THBS4: variants seen among roughly 807,000 people sequenced by gnomAD.
THBS4 encodes thrombospondin 4.
Under a neutral mutation model 115.7 loss-of-function variants are expected in THBS4, and 90 were observed. The ratio of observed to expected loss-of-function variants is 0.78; its 90% CI spans 0.66 to 0.93. THBS4 has a LOEUF of 0.93. Among genes scored for constraint, THBS4 ranks in the 40% least tolerant of loss-of-function variants. The pLI, the probability that THBS4 is intolerant of heterozygous loss-of-function variation, is 0.00. For missense variants in THBS4, 1,087 were observed against 1,232.7 expected (o/e 0.88, Z 1.77); for synonymous variants, 460 against 479.3 (o/e 0.96, Z 0.53).
intron 8 of THBS4, among the ~76,000 whole-genome samples, chr5:80,064,487 G>T (rs1041020945): frequency 6.6e-6 from 1 of 152,214 alleles, no homozygotes; most frequent in Admixed American, 6.5e-5. Context: ...ATATAAAAAG[G>T]TAAAGAAATA....
chr5:80,041,109 GA>G (rs1561304378), intron 2 of THBS4, among the ~76,000 whole-genome samples: 5 of 152,136 alleles, frequency 3.3e-5, no homozygotes, highest in Admixed American at 2.0e-4. Context: ...ATTTCAGCAC[GA>G]GTTTTGACAG....
intron 1 of THBS4, chr5:80,036,079 C>T: frequency 1.0e-6 from 1 of 988,392 alleles, no homozygotes; most frequent in South Asian, 4.7e-5. Context: ...CGCAGAATTA[C>T]TCTACTTGCC....
At chr5:80,072,548 G>A (rs1834106485) in intron 14 of THBS4, 152 bp downstream of exon 14, 1 of 706,512 alleles carries the variant, frequency 1.4e-6, no homozygotes, top group Non-Finnish European at 2.5e-6. Flanking sequence ...CTGTGGGCCT[G>A]AAGATGGTGG....
chr5:80,019,245 T>C (rs1453032615), intron 2 of THBS4, among the ~76,000 whole-genome samples: 1 of 152,162 alleles, frequency 6.6e-6, no homozygotes, highest in Admixed American at 6.5e-5. Context: ...GGACATTCTA[T>C]AGAGCCTGGA....
At chr5:80,072,205 C>A (rs537889855) in intron 13 of THBS4, 73 bp from the exon 14 acceptor site, 1 of 1,370,002 alleles carries the variant, frequency 7.3e-7, no homozygotes. Flanking sequence ...ACTCACCATG[C>A]GCCTGATCTC....
intron 2 of THBS4, among the ~76,000 whole-genome samples, chr5:80,000,409 C>T (rs1161619441): frequency 1.1e-4 from 16 of 152,142 alleles, no homozygotes; most frequent in Admixed American, 1.0e-3. Context: ...TGTCTGTGTC[C>T]TCTCTTTCCA....
At chr5:80,047,432 A>G (rs1327702967) in intron 2 of THBS4, among the ~76,000 whole-genome samples, 1 of 151,998 alleles carries the variant, frequency 6.6e-6, no homozygotes, top group East Asian at 1.9e-4. Context: ...TTTTTACCAC[A>G]TTTAAGTAGA....
In THBS4 at chr5:80,078,221, G is replaced by T; in HGVS notation, c.2259G>T (p.Leu753=). The change falls in exon 17 of 22, where the codon CTG becomes CTT. Residue 753 remains leucine (L), a synonymous_variant. Coordinates refer to ENST00000350881, the MANE Select transcript of THBS4 (RefSeq NM_003248.6). ...DAQIDPNWVV[L]NQGMEIVQTM... ...AGATCGATCCCAACTGGGTGGTCCT[G>T]AACCAGGTGAGTGTCACATGGGCGG... The T allele has an allele frequency of 6.3e-7, 1 of 1,582,208 alleles. No homozygotes were observed. The highest frequency in any genetic ancestry group is 8.6e-7 in the Non-Finnish European group (1 of 1,157,738).
chr5:80,038,108 T>G (rs187731624), intron 1 of THBS4, among the ~76,000 whole-genome samples: 140 of 152,308 alleles, frequency 9.2e-4, no homozygotes, highest in African/African-American at 3.3e-3. Context: ...TTATTCATTC[T>G]TATTACAAAA....
chr5:80,035,101 A>T (rs915620693), upstream of THBS4, among the ~76,000 whole-genome samples: 1 of 151,092 alleles, frequency 6.6e-6, no homozygotes. The surrounding 1 kb of genome is among the most constrained non-coding windows in gnomAD (Gnocchi z 4.6). Context: ...CTTTCTCTCC[A>T]GCCCCGACTG....
rs369434331 is a variant in THBS4 at position 80,057,172 on chromosome 5, A to G, written c.541-1034A>G. Among the ~76,000 whole-genome samples the G allele has an allele frequency of 1.3e-4, 20 of 152,362 alleles. No individual in the cohort carries two copies. In the South Asian group the frequency reaches 4.1e-3, roughly 32 times the overall value. Reference sequence around the variant, plus strand: ...CTGCATCCCCATAGTAGCGCATGTAATCAGAATGACAGTCAGAAATTGTGT... The same window carrying G: ...CTGCATCCCCATAGTAGCGCATGTAGTCAGAATGACAGTCAGAAATTGTGT... On this transcript the variant is annotated intron_variant, in intron 3 of 21. Transcript: ENST00000350881.
intron 15 of THBS4, 92 bp downstream of exon 15, chr5:80,073,419 T>TATCA (rs1743013088): frequency 8.8e-7 from 1 of 1,139,190 alleles, no homozygotes; most frequent in South Asian, 1.3e-5. Context: ...AGTCTCACTC[T>TATCA]ATCACCCAGG....
chr5:79,991,605 C>T (rs1190275189), intron 1 of THBS4, among the ~76,000 whole-genome samples: 2 of 152,162 alleles, frequency 1.3e-5, no homozygotes, highest in Admixed American at 1.3e-4. Context: ...AAGAACTTGG[C>T]ACACAGGAGG....
At position 80,074,627 on chromosome 5, in the gene THBS4, T is replaced by TC. The variant is rs1491375801; in HGVS notation, c.1892+1300_1892+1301insC. ...CTATGAAGCCACAGCTCTCTCTCTC[T>TC]TTTTTTTTTTTTTTGAGATGGAGTC... On this transcript the variant is annotated intron_variant, in intron 15 of 21. Coordinates refer to ENST00000350881, the MANE Select transcript of THBS4 (RefSeq NM_003248.6). Among the ~76,000 whole-genome samples, 41 of 104,844 alleles carry TC rather than the reference T, an allele frequency of 3.9e-4. 1 individual carries two copies. The East Asian group carries it at 8.6e-3, about 22-fold the overall frequency. The allele number at this position is 104,844 out of a possible 152,430, so 68.8% of individuals were successfully genotyped here.
intron 3 of THBS4, among the ~76,000 whole-genome samples, chr5:80,057,846 T>A (rs12519402): frequency 2.0e-5 from 3 of 152,324 alleles, no homozygotes; most frequent in African/African-American, 7.2e-5. Flanking sequence ...CTGTTTAAAA[T>A]TGGGGTTAAC....
chr5:80,000,406 G>A (rs954142176), intron 2 of THBS4, among the ~76,000 whole-genome samples: 1 of 152,158 alleles, frequency 6.6e-6, no homozygotes, highest in African/African-American at 2.4e-5. Flanking sequence ...AGGTGTCTGT[G>A]TCCTCTCTTT....
chr5:80,049,784 A>C (rs1580946685), intron 2 of THBS4, among the ~76,000 whole-genome samples: 1 of 152,204 alleles, frequency 6.6e-6, no homozygotes, highest in Non-Finnish European at 1.5e-5. Context: ...TTTAGAATCC[A>C]CTAGGGAGTT....
At chr5:80,047,382 T>G (rs866104129) in intron 2 of THBS4, among the ~76,000 whole-genome samples, 10 of 152,200 alleles carry the variant, frequency 6.6e-5, no homozygotes, top group South Asian at 2.1e-4. Flanking sequence ...TTTTTTGTTT[T>G]GTTTGGTTTT....
chr5:79,998,983 A>G (rs1264483169), intron 2 of THBS4, among the ~76,000 whole-genome samples: 1 of 152,198 alleles, frequency 6.6e-6, no homozygotes, highest in Non-Finnish European at 1.5e-5. Flanking sequence ...GGGAGTAAAG[A>G]TGCTCTCCAG....
Sources: gnomAD v4.1 joint callset for allele counts (sites outside exome capture counted in the v4.1 genomes callset) on GRCh38, gnomAD v4.1.1 for gene constraint, Gnocchi (gnomAD v3.1) non-coding constraint, MANE v1.5 for transcripts, NCBI Gene and HGNC (gene_info 2026-07-23, HGNC 2026-07-21) for gene names.